Variants in PID1 observed in about 807,000 individuals in gnomAD.
The protein encoded by PID1 is phosphotyrosine interaction domain containing 1, also known as PTB-containing, cubilin and LRP1-interacting protein.
A neutral mutation model predicts 19.1 loss-of-function variants in PID1; 10 were observed. That is an observed-to-expected ratio of 0.52 (90% CI 0.32 to 0.89). The LOEUF is 0.89. Among genes scored for constraint, PID1 ranks in the 40% least tolerant of loss-of-function variants. PID1 has a pLI of 0.03. For missense variants in PID1, 248 were observed against 285.3 expected, an observed-to-expected ratio of 0.87 and a Z score of 0.94; for synonymous variants, 130 against 116.0, an observed-to-expected ratio of 1.12 and a Z score of -0.78.
intron 2 of PID1, among the ~76,000 whole-genome samples, chr2:229,070,614 GC>G (rs1559219670): frequency 6.6e-6 from 1 of 152,146 alleles, no homozygotes; most frequent in Non-Finnish European, 1.5e-5. Flanking sequence ...GAATGATGAT[GC>G]CTCCCTGCAC....
chr2:229,218,355 C>T (rs1038424514), intron 1 of PID1, among the ~76,000 whole-genome samples: 14 of 137,786 alleles, frequency 1.0e-4, no homozygotes, highest in Non-Finnish European at 9.2e-5. Context: ...AAATCACTGA[C>T]AATCTTCACT....
In PID1 at chr2:229,036,658, G is replaced by A. The variant is rs1443588137; in HGVS notation, c.178-10550C>T. On this transcript the variant is annotated intron_variant, in intron 2 of 2. Coordinates refer to ENST00000392055, the MANE Select transcript of PID1 (RefSeq NM_001100818.2). ...ATCTACTTGGAAGGCTGAGGCAGGAGAACTGCTTGAACCTGGGAGGCGGAG... is the reference window on the plus strand; with the variant it reads ...ATCTACTTGGAAGGCTGAGGCAGGAAAACTGCTTGAACCTGGGAGGCGGAG... Among the ~76,000 whole-genome samples, 5 of 152,166 alleles carry A rather than the reference G, an allele frequency of 3.3e-5. No individual in the cohort carries two copies. In the East Asian group the frequency reaches 9.6e-4, roughly 29 times the overall value.
At chr2:229,026,256 T>C (rs760164656) in intron 2 of PID1, 148 bp from the exon 3 acceptor site, 4 of 625,006 alleles carry the variant, frequency 6.4e-6, no homozygotes, top group Non-Finnish European at 1.1e-5. Flanking sequence ...GAATAACTCA[T>C]CAAAATTTCT....
At chr2:229,224,240 A>C (rs1574736816) in intron 1 of PID1, among the ~76,000 whole-genome samples, 1 of 152,224 alleles carries the variant, frequency 6.6e-6, no homozygotes, top group Admixed American at 6.5e-5. Context: ...TGGGAATGTA[A>C]ATTAGTTCAG....
intron 2 of PID1, among the ~76,000 whole-genome samples, chr2:229,126,441 G>T (rs1286137455): frequency 6.6e-6 from 1 of 151,958 alleles, no homozygotes; most frequent in Non-Finnish European, 1.5e-5. Flanking sequence ...AAAACCCTGT[G>T]TATTACACAT....
chr2:229,217,648 G>A (rs1299651581), intron 1 of PID1, among the ~76,000 whole-genome samples: 1 of 152,078 alleles, frequency 6.6e-6, no homozygotes, highest in East Asian at 1.9e-4. Context: ...TATAAAGAAG[G>A]TCTCCAAAAG....
intron 2 of PID1, among the ~76,000 whole-genome samples, chr2:229,041,827 T>C (rs1693776749): frequency 1.3e-5 from 2 of 151,550 alleles, no homozygotes; most frequent in Non-Finnish European, 1.5e-5. Flanking sequence ...TGGAAGGGCA[T>C]TGCTTAAACT....
intron 2 of PID1, among the ~76,000 whole-genome samples, chr2:229,055,503 G>A (rs1198271722): frequency 6.6e-6 from 1 of 152,160 alleles, no homozygotes; most frequent in Non-Finnish European, 1.5e-5. Flanking sequence ...GTTGCCTTGG[G>A]TATGTGCCCA....
At chr2:229,247,994 C>T (rs1446856139) in intron 1 of PID1, among the ~76,000 whole-genome samples, 1 of 152,154 alleles carries the variant, frequency 6.6e-6, no homozygotes, top group Non-Finnish European at 1.5e-5. Context: ...CCTTCTCTCT[C>T]TTCCCTTTCC....
chr2:229,123,321 A>G (rs1472587267), intron 2 of PID1, among the ~76,000 whole-genome samples: 2 of 152,208 alleles, frequency 1.3e-5, no homozygotes, highest in African/African-American at 2.4e-5. Context: ...TGATGTTTTC[A>G]AGGTTCATCT....
chr2:229,233,859 T>G (rs1231728967), intron 1 of PID1, among the ~76,000 whole-genome samples: 1 of 152,224 alleles, frequency 6.6e-6, no homozygotes, highest in African/African-American at 2.4e-5. Context: ...GTCTCAGTTA[T>G]TTTTACAGAA....
intron 2 of PID1, among the ~76,000 whole-genome samples, chr2:229,117,390 C>T (rs1481739369): frequency 6.6e-6 from 1 of 152,078 alleles, no homozygotes; most frequent in African/African-American, 2.4e-5. Context: ...ATAAGATGTA[C>T]CATGCTTGTA....
At chr2:229,269,462 A>C (rs531470540) in intron 1 of PID1, among the ~76,000 whole-genome samples, 32 of 152,058 alleles carry the variant, frequency 2.1e-4, no homozygotes, top group African/African-American at 7.0e-4. Context: ...AAATCTACAA[A>C]CTCTTCAGAG....
chr2:229,111,821 T>C (rs540318272), intron 2 of PID1, among the ~76,000 whole-genome samples: 10 of 152,320 alleles, frequency 6.6e-5, no homozygotes, highest in Admixed American at 4.6e-4. Flanking sequence ...AATGTTCTCA[T>C]CATGTGATAA....
At chr2:229,157,336 A>G (rs1034951804) in intron 1 of PID1, among the ~76,000 whole-genome samples, 2 of 151,870 alleles carry the variant, frequency 1.3e-5, no homozygotes. Flanking sequence ...AAGCTGAGGC[A>G]GGAGAATCGC....
chr2:229,249,053 G>C (rs868214498), intron 1 of PID1, among the ~76,000 whole-genome samples: 3 of 152,118 alleles, frequency 2.0e-5, no homozygotes, highest in Non-Finnish European at 2.9e-5. Context: ...CTCTGAACAA[G>C]ACAGATTCTA....
chr2:229,219,607 C>A (rs1308179002), intron 1 of PID1, among the ~76,000 whole-genome samples: 1 of 152,144 alleles, frequency 6.6e-6, no homozygotes, highest in Non-Finnish European at 1.5e-5. Flanking sequence ...AATCATAGCT[C>A]ATTGCAGCTT....
chr2:229,101,147 G>A lies in PID1; in HGVS notation c.177+54671C>T, dbSNP rs545080304. On this transcript the variant is annotated intron_variant, in intron 2 of 2. Coordinates refer to ENST00000392055, the MANE Select transcript of PID1 (RefSeq NM_001100818.2). The stretch of plus-strand genomic sequence containing the variant: ...TGTGAACACAAGATTCCCATGAGGG[G>A]AGAAAGCATCAATATCCAGTGTCAG... 6.7e-4 allele frequency among the ~76,000 whole-genome samples: 102 copies of A among 152,316 alleles called. No homozygotes were observed. In the South Asian group the frequency reaches 0.021, roughly 31 times the overall value.
intron 1 of PID1, among the ~76,000 whole-genome samples, chr2:229,249,695 A>G (rs539757637): frequency 6.6e-6 from 1 of 152,308 alleles, no homozygotes; most frequent in South Asian, 2.1e-4. Context: ...GGGATGACTC[A>G]TTGCAACTGG....
Sources: gnomAD v4.1 joint callset for allele counts (sites outside exome capture counted in the v4.1 genomes callset) on GRCh38, gnomAD v4.1.1 for gene constraint, MANE v1.5 for transcripts, NCBI Gene and HGNC (gene_info 2026-07-23, HGNC 2026-07-21) for gene names.